NAV2: variants seen among roughly 807,000 people sequenced by gnomAD.
NAV2 encodes the protein helicase, APC down-regulated 1.
A neutral mutation model predicts 223.2 loss-of-function variants in NAV2; 54 were observed. The observed-to-expected ratio is 0.24, with a 90% CI of 0.19 to 0.30. NAV2 has a LOEUF of 0.30. Ranked by LOEUF, NAV2 falls within the 10% of genes least tolerant of loss-of-function variation. NAV2 has a pLI of 1.00. For synonymous variants in NAV2, 1,279 were observed against 1,239.3 expected (o/e 1.03, Z -0.67); for missense variants, 2,806 against 3,147.5 (o/e 0.89, Z 2.60).
chr11:19,709,055 C>T (rs1332092039), upstream of NAV2, among the ~76,000 whole-genome samples: 1 of 152,054 alleles, frequency 6.6e-6, no homozygotes, highest in African/African-American at 2.4e-5. Context: ...CATGTTAACA[C>T]AGTATCAGTG....
At chr11:19,987,358 CT>C (rs2050888602) in intron 11 of NAV2, among the ~76,000 whole-genome samples, 1 of 152,156 alleles carries the variant, frequency 6.6e-6, no homozygotes, top group Non-Finnish European at 1.5e-5. Flanking sequence ...AAAAGATAGC[CT>C]GGTCCTTTTT....
At chr11:19,905,559 A>C (rs533814426) in intron 6 of NAV2, among the ~76,000 whole-genome samples, 2 of 152,316 alleles carry the variant, frequency 1.3e-5, no homozygotes, top group East Asian at 3.9e-4. Flanking sequence ...TGTATACTAG[A>C]GACTCATTCA....
At chr11:19,776,392 C>T (rs935618381) in intron 1 of NAV2, among the ~76,000 whole-genome samples, 1 of 152,244 alleles carries the variant, frequency 6.6e-6, no homozygotes, top group African/African-American at 2.4e-5. Flanking sequence ...AGCAGGCAGA[C>T]GAGGAAATAA....
intron 1 of NAV2, among the ~76,000 whole-genome samples, chr11:19,587,774 G>T (rs2045946644): frequency 1.3e-5 from 2 of 152,176 alleles, no homozygotes; most frequent in African/African-American, 4.8e-5. Context: ...GATAACACAA[G>T]CTTCTATAAC....
chr11:19,467,358 G>T (rs1011177973), intron 1 of NAV2, among the ~76,000 whole-genome samples: 1 of 151,992 alleles, frequency 6.6e-6, no homozygotes, highest in African/African-American at 2.4e-5. Flanking sequence ...TTATTTTAAT[G>T]TACATCTTTG....
At chr11:19,735,668 G>T (rs917074998) in intron 1 of NAV2, among the ~76,000 whole-genome samples, 5 of 152,220 alleles carry the variant, frequency 3.3e-5, no homozygotes, top group Non-Finnish European at 5.9e-5. Context: ...CATTCCTCCT[G>T]CATGATGCAT....
rs367551743 is a variant in NAV2, at chr11:19,599,009, A to G, written c.76-233475A>G. Among the ~76,000 whole-genome samples, 108 of 152,284 alleles carry G rather than the reference A, an allele frequency of 7.1e-4. 1 individual carries two copies. In the East Asian group the frequency reaches 0.017, roughly 24 times the overall value. On this transcript the variant is annotated intron_variant, in intron 1 of 37. Transcript: ENST00000360655. ...ATGCCTCTGTTCTTAGTGTTTGTGC[A>G]GTTTCCATGATGGATGAAATGGCAG...
intron 1 of NAV2, among the ~76,000 whole-genome samples, chr11:19,826,823 A>T (rs1341629178): frequency 6.6e-6 from 1 of 152,228 alleles, no homozygotes; most frequent in East Asian, 1.9e-4. Context: ...CACATCATGT[A>T]AGTCTCAAGT....
intron 11 of NAV2, among the ~76,000 whole-genome samples, chr11:20,027,043 A>T (rs2055154995): frequency 6.6e-6 from 1 of 152,212 alleles, no homozygotes; most frequent in Non-Finnish European, 1.5e-5. Flanking sequence ...GGCTATTATT[A>T]TGCTTTCCAC....
At chr11:19,525,669 G>A (rs886736030) in intron 1 of NAV2, among the ~76,000 whole-genome samples, 6 of 152,158 alleles carry the variant, frequency 3.9e-5, no homozygotes, top group African/African-American at 7.2e-5. Flanking sequence ...GCAAAACTGC[G>A]GGGATAGTCT....
At chr11:19,572,004 T>C (rs1465133021) in intron 1 of NAV2, among the ~76,000 whole-genome samples, 2 of 152,204 alleles carry the variant, frequency 1.3e-5, no homozygotes, top group African/African-American at 4.8e-5. Flanking sequence ...GGACATCCTG[T>C]GGATGAGTAG....
chr11:19,520,436 G>A (rs2043611633), intron 1 of NAV2, among the ~76,000 whole-genome samples: 2 of 152,240 alleles, frequency 1.3e-5, no homozygotes, highest in African/African-American at 4.8e-5. Flanking sequence ...GGGCCCACCT[G>A]ATTGTCTCTG....
At chr11:19,547,999 T>G (rs1006789567) in intron 1 of NAV2, among the ~76,000 whole-genome samples, 1 of 152,052 alleles carries the variant, frequency 6.6e-6, no homozygotes, top group Non-Finnish European at 1.5e-5. Flanking sequence ...CTGCAAGAGG[T>G]TAAATAACCA....
intron 1 of NAV2, among the ~76,000 whole-genome samples, chr11:19,753,182 T>C (rs531684617): frequency 6.6e-6 from 1 of 152,274 alleles, no homozygotes; most frequent in South Asian, 2.1e-4. Context: ...TATTCTGTTA[T>C]AGCAGTCCAA....
chr11:19,392,365 G>A (rs1849283003), intron 1 of NAV2, among the ~76,000 whole-genome samples: 2 of 135,066 alleles, frequency 1.5e-5, no homozygotes, highest in Admixed American at 1.7e-4. Flanking sequence ...TACAATTTGA[G>A]CAGGGCTCAG....
chr11:19,744,820 ACATAGATGT>A (rs1365346100), intron 1 of NAV2, among the ~76,000 whole-genome samples: 10 of 152,216 alleles, frequency 6.6e-5, no homozygotes, highest in African/African-American at 2.4e-4. Context: ...GCATCTCCTG[ACATAGATGT>A]CAAATGCCTT....
At chr11:19,573,482 A>G (rs552635438) in intron 1 of NAV2, among the ~76,000 whole-genome samples, 2 of 152,276 alleles carry the variant, frequency 1.3e-5, no homozygotes, top group African/African-American at 4.8e-5. Context: ...GTGAGTATAT[A>G]GGTGGGAAGG....
At chr11:19,557,243 G>A (rs1565042) in intron 1 of NAV2, among the ~76,000 whole-genome samples, 151,340 of 152,328 alleles carry the variant, frequency 0.99, 75,183 homozygotes, top group East Asian at 1. Context: ...ATTGATGCCA[G>A]CGGAGGTTAA....
chr11:20,068,989 T>G (rs1221776549), intron 22 of NAV2, among the ~76,000 whole-genome samples: 1 of 151,834 alleles, frequency 6.6e-6, no homozygotes, highest in Non-Finnish European at 1.5e-5. Context: ...ACAAACAATT[T>G]TGCTATAACA....
Sources: allele counts gnomAD v4.1 joint callset (sites outside exome capture counted in the v4.1 genomes callset), GRCh38; gene constraint gnomAD v4.1.1; transcripts MANE v1.5; gene names NCBI Gene and HGNC (gene_info 2026-07-23, HGNC 2026-07-21).